Variants in SH3BGRL observed in about 807,000 individuals in gnomAD.
The protein encoded by SH3BGRL is adapter SH3BGRL.
Under a neutral mutation model 9.8 loss-of-function variants are expected in SH3BGRL, and 7 were observed. The observed-to-expected ratio is 0.72, with a 90% confidence interval of 0.41 to 1.35. The LOEUF (loss-of-function observed/expected upper bound fraction) is 1.35, where lower values mean the gene tolerates loss of function less well. Ranked by LOEUF, SH3BGRL falls within the 40% of genes most tolerant of loss-of-function variation. The pLI is 0.01. For missense variants in SH3BGRL, 73 were observed against 84.4 expected, an observed-to-expected ratio of 0.86 and a Z score of 0.53; for synonymous variants, 36 against 29.1, an observed-to-expected ratio of 1.24 and a Z score of -0.76.
intron 1 of SH3BGRL, among the ~76,000 whole-genome samples, chrX:81,235,057 A>G (rs775282267): frequency 9.8e-5 from 11 of 111,738 alleles, no homozygotes; most frequent in Admixed American, 1.9e-4. Context: ...CATCTCAGAG[A>G]GTCCCTTTCT....
chrX:81,277,562 A>AGAT (rs1307909425), intron 2 of SH3BGRL, among the ~76,000 whole-genome samples: 3 of 112,198 alleles, frequency 2.7e-5, no homozygotes, highest in African/African-American at 9.7e-5. Context: ...AACACAGCAA[A>AGAT]GATTAACTAT....
At chrX:81,278,294 G>T in intron 2 of SH3BGRL, 37 bp from the exon 3 acceptor site, 1 of 969,011 alleles carries the variant, frequency 1.0e-6, no homozygotes, top group Non-Finnish European at 1.5e-6. Flanking sequence ...TTTATTGGTT[G>T]CATATTGCTA....
intron 1 of SH3BGRL, among the ~76,000 whole-genome samples, chrX:81,203,198 G>A (rs1569355125): frequency 8.9e-6 from 1 of 112,224 alleles, no homozygotes; most frequent in African/African-American, 3.2e-5. Flanking sequence ...ACAGTGGCAA[G>A]AACAGATGTG....
chrX:81,259,567 C>T (rs1003801414), intron 1 of SH3BGRL, among the ~76,000 whole-genome samples: 3 of 111,876 alleles, frequency 2.7e-5, no homozygotes, highest in African/African-American at 9.7e-5. Flanking sequence ...TAGTGTAACT[C>T]TAGTCAGAAA....
intron 1 of SH3BGRL, among the ~76,000 whole-genome samples, chrX:81,262,470 A>G (rs1217909701): frequency 9.0e-6 from 1 of 111,719 alleles, no homozygotes; most frequent in African/African-American, 3.3e-5. Flanking sequence ...ATACTTAACC[A>G]GGGCCCCTGA....
chrX:81,284,928 A>C (rs2075829719), intron 3 of SH3BGRL, among the ~76,000 whole-genome samples: 1 of 111,369 alleles, frequency 9.0e-6, no homozygotes, highest in African/African-American at 3.3e-5. Flanking sequence ...GCTTAAGCTC[A>C]GGAGTAGGAA....
At chrX:81,295,303 G>A (rs920144932) in intron 3 of SH3BGRL, among the ~76,000 whole-genome samples, 4 of 111,632 alleles carry the variant, frequency 3.6e-5, no homozygotes, top group Non-Finnish European at 5.6e-5. Flanking sequence ...AGAGGGACTC[G>A]TTGGGAGATA....
intron 1 of SH3BGRL, among the ~76,000 whole-genome samples, chrX:81,253,326 G>A (rs2075716430): frequency 9.0e-6 from 1 of 111,725 alleles, no homozygotes; most frequent in Non-Finnish European, 1.9e-5. Flanking sequence ...TGGCTTGATG[G>A]ATTATTTTTG....
chrX:81,248,820 G>A (rs865830998), intron 1 of SH3BGRL, among the ~76,000 whole-genome samples: 1 of 111,971 alleles, frequency 8.9e-6, no homozygotes, highest in South Asian at 3.8e-4. Context: ...GAAAGAAAGC[G>A]CTGTCCATTG....
At chrX:81,282,531 A>G (rs929165285) in intron 3 of SH3BGRL, among the ~76,000 whole-genome samples, 1 of 111,992 alleles carries the variant, frequency 8.9e-6, no homozygotes, top group African/African-American at 3.2e-5. Context: ...AGGAACCTTC[A>G]AAACCATGGA....
chrX:81,222,539 A>G (rs1336762456), intron 1 of SH3BGRL, among the ~76,000 whole-genome samples: 3 of 110,688 alleles, frequency 2.7e-5, no homozygotes, highest in African/African-American at 9.9e-5. Context: ...TCCATGGTGT[A>G]TATGTGCCAC....
chrX:81,236,614 A>G (rs866262936), intron 1 of SH3BGRL, among the ~76,000 whole-genome samples: 69 of 111,855 alleles, frequency 6.2e-4, no homozygotes, highest in Middle Eastern at 4.7e-3. Flanking sequence ...CAGATGCACC[A>G]TCAAAAAACA....
At chrX:81,213,001 G>C (rs903004755) in intron 1 of SH3BGRL, among the ~76,000 whole-genome samples, 3 of 112,215 alleles carry the variant, frequency 2.7e-5, no homozygotes, top group Non-Finnish European at 5.6e-5. Context: ...GAAAGTCTTA[G>C]AATTGTACTT....
At chrX:81,224,786 A>G (rs2075611505) in intron 1 of SH3BGRL, among the ~76,000 whole-genome samples, 1 of 111,786 alleles carries the variant, frequency 8.9e-6, no homozygotes, top group Non-Finnish European at 1.9e-5. Context: ...TAAATGGATT[A>G]TGAATCATCC....
intron 1 of SH3BGRL, among the ~76,000 whole-genome samples, chrX:81,225,141 A>T (rs1394467995): frequency 1.8e-5 from 2 of 111,213 alleles, no homozygotes; most frequent in African/African-American, 6.5e-5. Context: ...CTCCAGTACC[A>T]ATTTTATTTT....
At chrX:81,291,940 G>A (rs1301248145) in intron 3 of SH3BGRL, among the ~76,000 whole-genome samples, 1 of 112,095 alleles carries the variant, frequency 8.9e-6, no homozygotes, top group Non-Finnish European at 1.9e-5. Flanking sequence ...AGGGCCTTGG[G>A]CAACTCTGAT....
chrX:81,202,550 C>T (rs2147660852), intron 1 of SH3BGRL: 1 of 860,342 alleles, frequency 1.2e-6, no homozygotes, highest in East Asian at 7.0e-5. Flanking sequence ...TTTAGGGTTA[C>T]GTGAAGTCAA....
intron 1 of SH3BGRL, among the ~76,000 whole-genome samples, chrX:81,228,356 G>A (rs2075623328): frequency 8.9e-6 from 1 of 111,784 alleles, no homozygotes; most frequent in Admixed American, 9.5e-5. Flanking sequence ...CAGGTCATAG[G>A]CAGATTCAAA....
At chrX:81,235,181 T>C (rs2075644184) in intron 1 of SH3BGRL, among the ~76,000 whole-genome samples, 1 of 110,767 alleles carries the variant, frequency 9.0e-6, no homozygotes, top group Admixed American at 9.7e-5. Flanking sequence ...TCAATAAAGG[T>C]AAAGCTAACA....
Sources: gnomAD v4.1 joint callset for allele counts (sites outside exome capture counted in the v4.1 genomes callset) on GRCh38, gnomAD v4.1.1 for gene constraint, MANE v1.5 for transcripts, NCBI Gene and HGNC (gene_info 2026-07-23, HGNC 2026-07-21) for gene names.